The following LRRTM4 variants were observed in gnomAD, a reference collection of about 807,000 sequenced individuals.
LRRTM4 encodes the protein leucine-rich repeat transmembrane neuronal protein 4.
In LRRTM4, 25 loss-of-function variants were observed where a neutral mutation model predicts 47.6. The observed-to-expected ratio is 0.53, with a 90% CI of 0.38 to 0.73. The LOEUF (loss-of-function observed/expected upper bound fraction) is 0.73, where lower values mean the gene tolerates loss of function less well. Ranked by LOEUF, LRRTM4 falls within the 30% of genes least tolerant of loss-of-function variation. The probability of loss-of-function intolerance (pLI) is 0.00; values close to 1 mark genes in which losing one functional copy is unlikely to be tolerated. For missense variants in LRRTM4, 638 were observed against 713.4 expected (o/e 0.89, Z 1.20); for synonymous variants, 311 against 269.5 (o/e 1.15, Z -1.51).
intron 3 of LRRTM4, among the ~76,000 whole-genome samples, chr2:77,012,801 C>G (rs1677922175): frequency 6.6e-6 from 1 of 152,104 alleles, no homozygotes; most frequent in African/African-American, 2.4e-5. Context: ...GACAAGATTA[C>G]CAACTCAAAC....
At chr2:76,931,986 T>C (rs1032103622) in intron 3 of LRRTM4, among the ~76,000 whole-genome samples, 9 of 152,144 alleles carry the variant, frequency 5.9e-5, no homozygotes, top group African/African-American at 2.2e-4. Context: ...AAAAAATGTA[T>C]TTCCACAAGA....
chr2:76,832,454 C>CTTTTTT (rs541805872), intron 3 of LRRTM4, among the ~76,000 whole-genome samples: 35 of 94,038 alleles, frequency 3.7e-4, no homozygotes, highest in Non-Finnish European at 4.4e-4. Context: ...CCTCGAAGGG[C>CTTTTTT]TTTTTTTTTT....
At chr2:77,051,770 T>G (rs1225555656) in intron 3 of LRRTM4, among the ~76,000 whole-genome samples, 1 of 152,170 alleles carries the variant, frequency 6.6e-6, no homozygotes, top group East Asian at 1.9e-4. Context: ...ATGATCAAAT[T>G]TGCAACTTGA....
At chr2:77,318,197 G>A (rs1401672863) in intron 3 of LRRTM4, among the ~76,000 whole-genome samples, 5 of 151,708 alleles carry the variant, frequency 3.3e-5, no homozygotes, top group Admixed American at 6.6e-5. Context: ...TAGTAGAGAC[G>A]GGGTTTCACC....
At chr2:77,344,812 G>C (rs1393708598) in intron 3 of LRRTM4, among the ~76,000 whole-genome samples, 2 of 151,564 alleles carry the variant, frequency 1.3e-5, no homozygotes, top group African/African-American at 4.8e-5. Flanking sequence ...ACATGAGTCA[G>C]TCTCTCTGCG....
intron 3 of LRRTM4, among the ~76,000 whole-genome samples, chr2:77,222,728 C>A (rs1486407952): frequency 6.6e-6 from 1 of 151,934 alleles, no homozygotes; most frequent in African/African-American, 2.4e-5. Flanking sequence ...GCTTACCAAC[C>A]AAAAAAATTC....
At chr2:77,181,666 T>C (rs1673349680) in intron 3 of LRRTM4, among the ~76,000 whole-genome samples, 1 of 152,046 alleles carries the variant, frequency 6.6e-6, no homozygotes, top group Admixed American at 6.6e-5. Context: ...TAAGAACAGA[T>C]TGATAACTTG....
At chr2:77,164,801 C>A (rs938904965) in intron 3 of LRRTM4, among the ~76,000 whole-genome samples, 2 of 152,156 alleles carry the variant, frequency 1.3e-5, no homozygotes, top group African/African-American at 4.8e-5. Flanking sequence ...ATCTCTGGGA[C>A]ACATTTAAAG....
At chr2:76,995,344 GGT>G (rs1156599941) in intron 3 of LRRTM4, among the ~76,000 whole-genome samples, 1 of 151,954 alleles carries the variant, frequency 6.6e-6, no homozygotes. Flanking sequence ...TGTGAATTCT[GGT>G]CAAGATATTG....
chr2:76,887,601 C>A (rs1329117639), intron 3 of LRRTM4, among the ~76,000 whole-genome samples: 2 of 147,376 alleles, frequency 1.4e-5, no homozygotes, highest in African/African-American at 2.5e-5. Flanking sequence ...ATAATATATA[C>A]ACACATATAT....
At chr2:77,030,419 C>T (rs529163793) in intron 3 of LRRTM4, among the ~76,000 whole-genome samples, 1 of 152,170 alleles carries the variant, frequency 6.6e-6, no homozygotes, top group Admixed American at 6.5e-5. Flanking sequence ...GGTTACAGAG[C>T]GAGGCTCCAA....
intron 3 of LRRTM4, among the ~76,000 whole-genome samples, chr2:77,028,602 AAAG>A (rs749879756): frequency 6.6e-6 from 1 of 152,152 alleles, no homozygotes; most frequent in South Asian, 2.1e-4. Context: ...TTGATTCTGA[AAAG>A]AAGGAAAAAT....
chr2:76,771,093 T>G lies in LRRTM4; in HGVS notation c.1552-22177A>C, dbSNP rs115975050. ...TTAACATTTAATATTTGCCTCTTCT[T>G]GTACTTTAGTTTCTAATCCAGATTT... On this transcript the variant is annotated intron_variant, in intron 3 of 3. Coordinates refer to ENST00000409884, the MANE Select transcript of LRRTM4 (RefSeq NM_001134745.3). Among the ~76,000 whole-genome samples, 59 of 151,916 alleles carry G rather than the reference T, an allele frequency of 3.9e-4. No individual in the cohort carries two copies. In the South Asian group the frequency reaches 0.012, roughly 30 times the overall value.
At chr2:76,870,582 C>G (rs934368421) in intron 3 of LRRTM4, among the ~76,000 whole-genome samples, 16 of 152,198 alleles carry the variant, frequency 1.1e-4, no homozygotes, top group African/African-American at 3.9e-4. Context: ...TGTCTTGATT[C>G]TATTGCTACA....
intron 3 of LRRTM4, among the ~76,000 whole-genome samples, chr2:76,941,150 GAAGT>G (rs778949587): frequency 2.8e-4 from 43 of 151,940 alleles, no homozygotes; most frequent in Non-Finnish European, 4.9e-4. Context: ...TATTATTTCA[GAAGT>G]AAGGTCAAAC....
intron 3 of LRRTM4, among the ~76,000 whole-genome samples, chr2:76,768,940 C>T (rs185741293): frequency 6.6e-6 from 1 of 152,048 alleles, no homozygotes; most frequent in Non-Finnish European, 1.5e-5. Flanking sequence ...AAAACTGACA[C>T]AAAGAAATGT....
At chr2:77,389,643 C>A (rs961332489) in intron 3 of LRRTM4, among the ~76,000 whole-genome samples, 2 of 151,944 alleles carry the variant, frequency 1.3e-5, no homozygotes, top group Non-Finnish European at 2.9e-5. Context: ...ACTGATAGTT[C>A]CCTATATTAA....
At chr2:76,971,732 T>C (rs1002664162) in intron 3 of LRRTM4, among the ~76,000 whole-genome samples, 9 of 152,080 alleles carry the variant, frequency 5.9e-5, no homozygotes, top group African/African-American at 2.2e-4. Context: ...TACAAATATT[T>C]GCAAAAATTC....
chr2:77,197,896 G>A (rs1055688186), intron 3 of LRRTM4, among the ~76,000 whole-genome samples: 1 of 152,254 alleles, frequency 6.6e-6, no homozygotes, highest in East Asian at 1.9e-4. Context: ...CTCTTTGCAT[G>A]TATTATATCA....
Sources: gnomAD v4.1 joint callset for allele counts (sites outside exome capture counted in the v4.1 genomes callset) on GRCh38, gnomAD v4.1.1 for gene constraint, MANE v1.5 for transcripts, NCBI Gene and HGNC (gene_info 2026-07-23, HGNC 2026-07-21) for gene names.